Variants in FEZ2 observed in about 807,000 individuals in gnomAD.
FEZ2 encodes fasciculation and elongation protein zeta-2.
Under a neutral mutation model 40.4 loss-of-function variants are expected in FEZ2, and 51 were observed. That is an observed-to-expected ratio of 1.26 (90% CI 1.01 to 1.59). The LOEUF is 1.59. Ranked by LOEUF, FEZ2 falls within the 40% of genes most tolerant of loss-of-function variation. The probability of loss-of-function intolerance (pLI) is 0.00; values close to 1 mark genes in which losing one functional copy is unlikely to be tolerated. For missense variants in FEZ2, 640 were observed against 438.3 expected, an observed-to-expected ratio of 1.46 and a Z score of -4.11; for synonymous variants, 242 against 172.0, an observed-to-expected ratio of 1.41 and a Z score of -3.18.
chr2:36,567,015 C>T (rs892259371), intron 5 of FEZ2, among the ~76,000 whole-genome samples: 6 of 152,146 alleles, frequency 3.9e-5, no homozygotes, highest in Admixed American at 3.3e-4. Context: ...CAGAACTGCA[C>T]AGCCAGATGA....
chr2:36,582,461 A>T (rs899326798), intron 3 of FEZ2, among the ~76,000 whole-genome samples: 6 of 152,182 alleles, frequency 3.9e-5, no homozygotes, highest in African/African-American at 1.4e-4. Context: ...ACTCTTAAAA[A>T]AAGGGAGAGT....
At position 36,558,573 on chromosome 2, in the gene FEZ2, T is replaced by A. The variant is rs183669426; in HGVS notation, c.904-60A>T. ...TCGGAATTACCTTATCTGCAAAAAA[T>A]TTGATACTGTTACTAGAAGGTCTAT... On this transcript the variant is annotated intron_variant, in intron 5 of 7. Coordinates refer to ENST00000405912, the MANE Select transcript of FEZ2 (RefSeq NM_005102.3). The A allele has an allele frequency of 1.9e-3, 1,778 of 930,030 alleles. 32 individuals carry two copies. In the African/African-American group the frequency reaches 0.026, roughly 14 times the overall value. The allele number at this position is 930,030 out of a possible 1,614,324, so 57.6% of individuals were successfully genotyped here.
At chr2:36,570,313 T>C (rs1049608927) in intron 5 of FEZ2, among the ~76,000 whole-genome samples, 5 of 152,116 alleles carry the variant, frequency 3.3e-5, no homozygotes, top group African/African-American at 4.8e-5. Context: ...ACAACTGTTA[T>C]ATGAGTTTAT....
At chr2:36,585,702 A>C (rs1038020228) in intron 2 of FEZ2, among the ~76,000 whole-genome samples, 3 of 152,238 alleles carry the variant, frequency 2.0e-5, no homozygotes, top group African/African-American at 7.2e-5. Flanking sequence ...ATAATGGGTC[A>C]ACTGTGCACA....
intron 1 of FEZ2, among the ~76,000 whole-genome samples, chr2:36,597,640 G>A (rs1558463495): frequency 1.3e-5 from 2 of 152,246 alleles, no homozygotes; most frequent in South Asian, 4.1e-4. Context: ...TTGGTTTGCA[G>A]GAAGGAGGGC....
intron 1 of FEZ2, among the ~76,000 whole-genome samples, chr2:36,597,329 G>A (rs1239492563): frequency 6.6e-6 from 1 of 152,082 alleles, no homozygotes; most frequent in South Asian, 2.1e-4. Context: ...CTCTCCCCAA[G>A]ACACACGCTT....
intron 5 of FEZ2, among the ~76,000 whole-genome samples, chr2:36,576,942 CT>C (rs754604416): frequency 1.1e-4 from 16 of 152,168 alleles, no homozygotes; most frequent in Non-Finnish European, 2.2e-4. Flanking sequence ...CATGTAATCC[CT>C]AAAAGCAAAT....
chr2:36,566,933 C>A (rs1227527755), intron 5 of FEZ2, among the ~76,000 whole-genome samples: 1 of 146,306 alleles, frequency 6.8e-6, no homozygotes, highest in African/African-American at 2.5e-5. Flanking sequence ...TAAAAACACA[C>A]ACATACGCAT....
chr2:36,591,082 G>T, intron 1 of FEZ2, 71 bp from the exon 2 acceptor site: 2 of 923,472 alleles, frequency 2.2e-6, no homozygotes, highest in Non-Finnish European at 3.5e-6. Context: ...AATATTCAGT[G>T]AAAGATGAAC....
chr2:36,559,670 T>C (rs1361010627), intron 5 of FEZ2, among the ~76,000 whole-genome samples: 2 of 152,184 alleles, frequency 1.3e-5, no homozygotes, highest in Non-Finnish European at 2.9e-5. Context: ...CCAGAAATGA[T>C]GTCCTCCTGG....
intron 7 of FEZ2, chr2:36,555,441 T>A: frequency 3.1e-6 from 1 of 320,666 alleles, no homozygotes; most frequent in Non-Finnish European, 5.7e-6. Flanking sequence ...CCTCTCTTGA[T>A]GTTTATAGTT....
At chr2:36,559,566 A>G (rs1668038404) in intron 5 of FEZ2, among the ~76,000 whole-genome samples, 1 of 152,270 alleles carries the variant, frequency 6.6e-6, no homozygotes, top group South Asian at 2.1e-4. Flanking sequence ...AGACACGTTA[A>G]GTGTCCCACC....
intron 6 of FEZ2, 162 bp from the exon 7 acceptor site, chr2:36,555,910 G>C (rs1207032808): frequency 1.2e-5 from 8 of 676,360 alleles, no homozygotes; most frequent in Admixed American, 2.3e-5. Context: ...AACAATAAAG[G>C]CCCAATAATT....
Position 36,558,316 on chromosome 2 carries a change from T to C in FEZ2, c.979+122A>G, listed in dbSNP as rs17019091. ...CTTCATTCTTATAAAAATAAACAAT[T>C]ATATGCATCATTTACATCCTAAACT... is the stretch of plus-strand genomic sequence containing the variant. On this transcript the variant is annotated intron_variant, in intron 6 of 7. Coordinates refer to ENST00000405912, the MANE Select transcript of FEZ2 (RefSeq NM_005102.3). The C allele has an allele frequency of 0.039, 20,571 of 521,930 alleles. 2,940 individuals carry two copies. In the East Asian group the frequency reaches 0.41, roughly 10 times the overall value. The allele number at this position is 521,930 out of a possible 1,614,324, so 32.3% of individuals were successfully genotyped here.
intron 7 of FEZ2, chr2:36,554,193 A>G: frequency 4.2e-6 from 2 of 471,310 alleles, no homozygotes; most frequent in South Asian, 1.5e-5. Flanking sequence ...CGGCCCGAGC[A>G]TGAGGAGCAG....
chr2:36,590,497 G>A (rs13029475), intron 2 of FEZ2: 56,387 of 160,194 alleles, frequency 0.35, 10,083 homozygotes, highest in Middle Eastern at 0.5. Flanking sequence ...GCGAAACCCT[G>A]TCTCTACTGA....
intron 3 of FEZ2, among the ~76,000 whole-genome samples, chr2:36,583,045 A>T (rs950184525): frequency 6.6e-6 from 1 of 152,220 alleles, no homozygotes; most frequent in South Asian, 2.1e-4. Flanking sequence ...TGTTTGGGTA[A>T]ATCTAAAGAA....
chr2:36,558,523 TTA>T lies in FEZ2; in HGVS notation c.904-12_904-11del, dbSNP rs1558440753. On this transcript the variant is annotated splice_polypyrimidine_tract_variant and intron_variant, in intron 5 of 7. Transcript: ENST00000405912. The stretch of plus-strand genomic sequence containing the variant: ...TGACTGTAGTCAAATACTGCCAAGT[TTA>T]AAAAAAAAAAGTGTCACTTAAATCG... 2.1e-5 allele frequency: 31 copies of T among 1,473,838 alleles called. No individual in the cohort carries two copies. Among genetic ancestry groups the T allele is most frequent in the East Asian group, 2.5e-5 (1 of 39,628 alleles). 91.3% of individuals were successfully genotyped at this position (1,473,838 alleles called of 1,614,324 possible). A position where few individuals can be genotyped will look rare whatever the true frequency, so the allele number is the denominator to read the frequency against.
At chr2:36,565,855 G>A (rs991048345) in intron 5 of FEZ2, among the ~76,000 whole-genome samples, 5 of 152,102 alleles carry the variant, frequency 3.3e-5, no homozygotes, top group African/African-American at 1.2e-4. Context: ...TGTTCACCAG[G>A]ATGCCAGCAG....
Sources: allele counts gnomAD v4.1 joint callset (sites outside exome capture counted in the v4.1 genomes callset), GRCh38; gene constraint gnomAD v4.1.1; transcripts MANE v1.5; gene names NCBI Gene and HGNC (gene_info 2026-07-23, HGNC 2026-07-21).